Variants in HOMER1 observed in about 807,000 individuals in gnomAD.
The protein encoded by HOMER1 is homer scaffold protein 1, also known as homer protein homolog 1.
In HOMER1, 3 loss-of-function variants were observed where a neutral mutation model predicts 48.9. The observed-to-expected ratio is 0.06, with a 90% CI of 0.03 to 0.16. The LOEUF is 0.16. HOMER1 is among the 10% of genes least tolerant of loss of function. HOMER1 has a pLI of 1.00. For synonymous variants in HOMER1, 134 were observed against 146.4 expected (o/e 0.92, Z 0.61); for missense variants, 247 against 411.4 (o/e 0.60, Z 3.46).
At chr5:79,480,436 T>A (rs1017678451) in intron 1 of HOMER1, among the ~76,000 whole-genome samples, 8 of 152,174 alleles carry the variant, frequency 5.3e-5, no homozygotes, top group African/African-American at 1.9e-4. Context: ...ATTTCTGGGA[T>A]TAAAATCCAA....
chr5:79,433,820 A>G (rs1444831282), intron 5 of HOMER1, among the ~76,000 whole-genome samples: 1 of 152,216 alleles, frequency 6.6e-6, no homozygotes. Context: ...CAGATGTCAT[A>G]CATTGTGATA....
At chr5:79,461,192 A>G (rs905931960) in intron 1 of HOMER1, among the ~76,000 whole-genome samples, 1 of 152,240 alleles carries the variant, frequency 6.6e-6, no homozygotes, top group Non-Finnish European at 1.5e-5. Flanking sequence ...TAGAGAAGCT[A>G]TATCTAAAAT....
At chr5:79,450,936 A>G in intron 3 of HOMER1, 54 bp downstream of exon 3, 1 of 1,542,390 alleles carries the variant, frequency 6.5e-7, no homozygotes. Flanking sequence ...TATATATTTA[A>G]GATATACGAC....
chr5:79,417,745 C>G (rs1270560025), intron 5 of HOMER1, among the ~76,000 whole-genome samples: 1 of 152,032 alleles, frequency 6.6e-6, no homozygotes, highest in East Asian at 1.9e-4. Flanking sequence ...ACTTTGGAGA[C>G]AAAAATGCCA....
intron 1 of HOMER1, among the ~76,000 whole-genome samples, chr5:79,483,496 T>TA (rs77977728): frequency 0.14 from 19,462 of 143,840 alleles, 2,116 homozygotes; most frequent in African/African-American, 0.3. Flanking sequence ...AATTTTACCT[T>TA]AAAAAAAAAA....
intron 1 of HOMER1, among the ~76,000 whole-genome samples, chr5:79,479,266 T>A (rs2112338594): frequency 6.6e-6 from 1 of 152,318 alleles, no homozygotes; most frequent in East Asian, 1.9e-4. Context: ...GAAGGCTGAA[T>A]AATGGCCCCG....
At chr5:79,477,940 A>C (rs1406899746) in intron 1 of HOMER1, among the ~76,000 whole-genome samples, 6 of 152,144 alleles carry the variant, frequency 3.9e-5, no homozygotes, top group Admixed American at 3.9e-4. Flanking sequence ...AGGCATACCT[A>C]AAGGTATGCC....
intron 1 of HOMER1, among the ~76,000 whole-genome samples, chr5:79,508,433 T>C (rs760899250): frequency 6.6e-6 from 1 of 152,234 alleles, no homozygotes; most frequent in Non-Finnish European, 1.5e-5. Flanking sequence ...AAAAAACCTC[T>C]AAACACACTA....
At chr5:79,437,080 CAG>C (rs1271455735) in intron 5 of HOMER1, among the ~76,000 whole-genome samples, 2 of 152,060 alleles carry the variant, frequency 1.3e-5, no homozygotes, top group South Asian at 2.1e-4. Flanking sequence ...CTCTTGAGAA[CAG>C]AGAAAAATCG....
At chr5:79,429,762 G>T (rs552639126) in intron 5 of HOMER1, among the ~76,000 whole-genome samples, 2 of 152,164 alleles carry the variant, frequency 1.3e-5, no homozygotes, top group African/African-American at 4.8e-5. Flanking sequence ...GGTGGCTCAC[G>T]CCTGTAATCC....
intron 5 of HOMER1, among the ~76,000 whole-genome samples, chr5:79,432,954 G>A (rs1750464739): frequency 6.6e-6 from 1 of 152,010 alleles, no homozygotes; most frequent in Non-Finnish European, 1.5e-5. Context: ...TGATAGTGGA[G>A]GAATAATGAT....
At chr5:79,452,157 G>T (rs1243040174) in intron 2 of HOMER1, among the ~76,000 whole-genome samples, 1 of 152,072 alleles carries the variant, frequency 6.6e-6, no homozygotes, top group Non-Finnish European at 1.5e-5. Context: ...TGTATTTTTT[G>T]ATCCACGTAT....
intron 1 of HOMER1, among the ~76,000 whole-genome samples, chr5:79,496,948 C>T (rs1213171918): frequency 2.6e-5 from 4 of 151,402 alleles, no homozygotes; most frequent in Non-Finnish European, 4.4e-5. Flanking sequence ...CACCTGTAGT[C>T]CCAGCTACTT....
intron 6 of HOMER1, 128 bp from the exon 7 acceptor site, chr5:79,397,765 T>G: frequency 3.9e-6 from 2 of 513,112 alleles, no homozygotes; most frequent in South Asian, 7.1e-5. Context: ...TTGAGAAATA[T>G]TAAGACACTC....
At chr5:79,504,127 G>A (rs1423081017) in intron 1 of HOMER1, among the ~76,000 whole-genome samples, 1 of 151,846 alleles carries the variant, frequency 6.6e-6, no homozygotes, top group African/African-American at 2.4e-5. Flanking sequence ...CTTGGGTAAG[G>A]AAAACAGCAG....
At chr5:79,492,907 C>CT (rs558428061) in intron 1 of HOMER1, among the ~76,000 whole-genome samples, 15,468 of 83,902 alleles carry the variant, frequency 0.18, 2,311 homozygotes, top group East Asian at 0.31. Flanking sequence ...AAAACTTTGT[C>CT]TTTTTTTTTT....
intron 1 of HOMER1, chr5:79,510,369 G>A: frequency 3.7e-6 from 2 of 542,764 alleles, no homozygotes; most frequent in Non-Finnish European, 7.0e-6. Context: ...AGCCCCCTTA[G>A]TATTAAATTC....
At position 79,373,453 on chromosome 5, in the gene HOMER1, CCA is replaced by C. The variant is rs1491260420; in HGVS notation, c.*2554_*2555del. ...ACATTATTTTCTGAGAAATATATTACCACAGTTTGATTTAAATATAGATACAG... is the reference window on the plus strand; with the variant it reads ...ACATTATTTTCTGAGAAATATATTACCAGTTTGATTTAAATATAGATACAG... On this transcript the variant is annotated 3_prime_UTR_variant, in exon 9 of 9. Coordinates refer to ENST00000334082, the MANE Select transcript of HOMER1 (RefSeq NM_004272.5). The C allele has an allele frequency of 6.6e-6, 1 of 151,628 alleles. No homozygotes were observed. Among genetic ancestry groups the C allele is most frequent in the Non-Finnish European group, 1.5e-5 (1 of 67,872 alleles). 9.4% of individuals were successfully genotyped at this position (151,628 alleles called of 1,614,324 possible).
intron 1 of HOMER1, among the ~76,000 whole-genome samples, chr5:79,486,847 T>A (rs527721550): frequency 6.6e-6 from 1 of 152,194 alleles, no homozygotes; most frequent in African/African-American, 2.4e-5. Flanking sequence ...TTAAGCAAGG[T>A]AGGTAGTATG....
Sources: allele counts gnomAD v4.1 joint callset (sites outside exome capture counted in the v4.1 genomes callset), GRCh38; gene constraint gnomAD v4.1.1; transcripts MANE v1.5; gene names NCBI Gene and HGNC (gene_info 2026-07-23, HGNC 2026-07-21).